The following ATG7 variants were observed in gnomAD, a reference collection of about 807,000 sequenced individuals.
The protein encoded by ATG7 is autophagy related 7.
ATG7 carries 70 observed loss-of-function variants against 82.4 expected under a neutral mutation model. That is an observed-to-expected ratio of 0.85 (90% confidence interval 0.70 to 1.04). The LOEUF is 1.04. Ranked by LOEUF, ATG7 falls within the 50% of genes least tolerant of loss-of-function variation. The pLI, the probability that ATG7 is intolerant of heterozygous loss-of-function variation, is 0.00. For missense variants in ATG7, 792 were observed against 864.3 expected, an observed-to-expected ratio of 0.92 and a Z score of 1.05; for synonymous variants, 287 against 313.0, an observed-to-expected ratio of 0.92 and a Z score of 0.88.
chr3:11,338,108 C>G (rs1217774433), intron 11 of ATG7, among the ~76,000 whole-genome samples: 1 of 152,106 alleles, frequency 6.6e-6, no homozygotes, highest in African/African-American at 2.4e-5. Context: ...CTCCCTCCTC[C>G]CACCCTTCAC....
Position 11,536,644 on chromosome 3 carries a change from G to A in ATG7, c.2080-18167G>A, listed in dbSNP as rs140369287. Reference sequence around the variant, plus strand: ...TGAGCGCACTCTGGCGGGGAGTCCCGAGAGCGGACCCTCTTGCCACTGCAC... The same window carrying A: ...TGAGCGCACTCTGGCGGGGAGTCCCAAGAGCGGACCCTCTTGCCACTGCAC... On this transcript the variant is annotated intron_variant, in intron 20 of 20. Coordinates refer to ENST00000693202, the MANE Select transcript of ATG7 (RefSeq NM_001349232.2). Among the ~76,000 whole-genome samples, 396 of 152,330 alleles carry A rather than the reference G, an allele frequency of 2.6e-3. 1 individual carries two copies. Among genetic ancestry groups the A allele is most frequent in the African/African-American group, 9.0e-3 (376 of 41,578 alleles).
chr3:11,364,352 A>G (rs1022412183), intron 17 of ATG7, among the ~76,000 whole-genome samples: 3 of 152,204 alleles, frequency 2.0e-5, no homozygotes, highest in Non-Finnish European at 4.4e-5. Context: ...CAGTTGATGT[A>G]GTAGATTCCT....
At chr3:11,481,818 T>TAAA (rs779103675) in intron 20 of ATG7, among the ~76,000 whole-genome samples, 116 of 152,290 alleles carry the variant, frequency 7.6e-4, no homozygotes, top group Non-Finnish European at 1.4e-3. Flanking sequence ...CACCAGTCAT[T>TAAA]TAATCTTTGT....
chr3:11,445,614 C>T (rs956571800), intron 20 of ATG7, among the ~76,000 whole-genome samples: 4 of 152,210 alleles, frequency 2.6e-5, no homozygotes, highest in African/African-American at 7.2e-5. Context: ...ATAATCTGTA[C>T]GACAAGTCCC....
At chr3:11,372,660 C>T (rs2077080598) in intron 18 of ATG7, among the ~76,000 whole-genome samples, 1 of 150,810 alleles carries the variant, frequency 6.6e-6, no homozygotes, top group Non-Finnish European at 1.5e-5. Context: ...TCTATATGGA[C>T]CATTTTTATT....
At chr3:11,533,820 A>G (rs1192256442) in intron 20 of ATG7, among the ~76,000 whole-genome samples, 5 of 152,258 alleles carry the variant, frequency 3.3e-5, no homozygotes, top group African/African-American at 1.2e-4. Flanking sequence ...AACTAGAAGC[A>G]GAAAACTCTG....
At chr3:11,529,505 C>G (rs2124967930) in intron 20 of ATG7, 1 of 153,988 alleles carries the variant, frequency 6.5e-6, no homozygotes, top group Non-Finnish European at 1.5e-5. Flanking sequence ...AGCAGCTTGT[C>G]CTGTTGGCCT....
intron 20 of ATG7, among the ~76,000 whole-genome samples, chr3:11,453,210 C>T (rs1188932865): frequency 1.3e-5 from 2 of 152,048 alleles, no homozygotes; most frequent in African/African-American, 2.4e-5. Flanking sequence ...AGACGGGGGG[C>T]GTGGGCCTTG....
chr3:11,480,374 A>G (rs570071991), intron 20 of ATG7, among the ~76,000 whole-genome samples: 4 of 152,222 alleles, frequency 2.6e-5, no homozygotes, highest in African/African-American at 9.6e-5. Flanking sequence ...CTGTCTCTAC[A>G]AAAACATTTA....
At chr3:11,564,993 C>G in the ATG7 span, 1 of 1,511,954 alleles carries the variant, frequency 6.6e-7, no homozygotes, top group Non-Finnish European at 8.8e-7. Flanking sequence ...GGGGTCTCTG[C>G]GGCAGTCTCC....
intron 20 of ATG7, among the ~76,000 whole-genome samples, chr3:11,482,779 TATC>T (rs2089161465): frequency 6.6e-6 from 1 of 151,898 alleles, no homozygotes; most frequent in Non-Finnish European, 1.5e-5. Flanking sequence ...ACCCTTTTAT[TATC>T]ATTTTTGTAC....
At chr3:11,546,023 A>G (rs925068443) in intron 20 of ATG7, among the ~76,000 whole-genome samples, 3 of 152,134 alleles carry the variant, frequency 2.0e-5, no homozygotes, top group Non-Finnish European at 4.4e-5. Context: ...CTGTAGTCCC[A>G]ACTACTAAGG....
At chr3:11,459,173 T>TA (rs10658469) in intron 20 of ATG7, among the ~76,000 whole-genome samples, 86,411 of 141,694 alleles carry the variant, frequency 0.61, 26,374 homozygotes, top group East Asian at 0.69. Flanking sequence ...GGAGTCACTT[T>TA]AAAAAAAAAA....
intron 19 of ATG7, among the ~76,000 whole-genome samples, chr3:11,391,640 T>C (rs891354886): frequency 1.1e-4 from 17 of 152,320 alleles, no homozygotes; most frequent in African/African-American, 4.1e-4. Context: ...TCTTGCTTTT[T>C]CTACCGCAGC....
intron 1 of ATG7, among the ~76,000 whole-genome samples, chr3:11,280,402 C>T (rs948365196): frequency 6.6e-6 from 1 of 152,150 alleles, no homozygotes; most frequent in African/African-American, 2.4e-5. Context: ...GAAACAGACT[C>T]GGAGAAGTTG....
At chr3:11,356,503 A>G (rs187832304) in intron 14 of ATG7, among the ~76,000 whole-genome samples, 168 of 152,350 alleles carry the variant, frequency 1.1e-3, no homozygotes, top group African/African-American at 4.0e-3. Flanking sequence ...GTGTGGACAT[A>G]ACTGATGGGC....
At chr3:11,537,256 C>T (rs1375119713) in intron 20 of ATG7, among the ~76,000 whole-genome samples, 2 of 152,286 alleles carry the variant, frequency 1.3e-5, no homozygotes, top group Admixed American at 6.5e-5. Flanking sequence ...AGAGGCCTTA[C>T]CCCCAAGTCC....
chr3:11,367,278 C>G (rs1406860008), intron 18 of ATG7, among the ~76,000 whole-genome samples: 2 of 152,162 alleles, frequency 1.3e-5, no homozygotes, highest in Non-Finnish European at 2.9e-5. Flanking sequence ...TCCTCCTCTT[C>G]CTGGCTCCTA....
intron 19 of ATG7, among the ~76,000 whole-genome samples, chr3:11,422,740 C>CCTTT (rs2082038817): frequency 2.0e-5 from 1 of 49,546 alleles, no homozygotes. Context: ...TCATTTCTAG[C>CCTTT]TTTTTTTTTT....
Sources: allele counts gnomAD v4.1 joint callset (sites outside exome capture counted in the v4.1 genomes callset), GRCh38; gene constraint gnomAD v4.1.1; transcripts MANE v1.5; gene names NCBI Gene and HGNC (gene_info 2026-07-23, HGNC 2026-07-21).